The following DAB1 variants were observed in gnomAD, a reference collection of about 807,000 sequenced individuals.
The protein encoded by DAB1 is disabled homolog 1.
DAB1 carries 15 observed loss-of-function variants against 64.6 expected under a neutral mutation model. That is an observed-to-expected ratio of 0.23 (90% CI 0.16 to 0.36). The LOEUF (loss-of-function observed/expected upper bound fraction) is 0.36, where lower values mean the gene tolerates loss of function less well. DAB1 is among the 10% of genes least tolerant of loss of function. The pLI is 1.00. For synonymous variants in DAB1, 235 were observed against 251.9 expected (o/e 0.93, Z 0.64); for missense variants, 596 against 706.7 (o/e 0.84, Z 1.78).
At chr1:57,818,852 G>A (rs1014816610) in intron 6 of DAB1, among the ~76,000 whole-genome samples, 2 of 151,772 alleles carry the variant, frequency 1.3e-5, no homozygotes, top group African/African-American at 4.8e-5. Flanking sequence ...CAGAAGATCC[G>A]AGTGCTGAAA....
chr1:57,564,298 T>C (rs908264295), intron 7 of DAB1, among the ~76,000 whole-genome samples: 5 of 151,980 alleles, frequency 3.3e-5, no homozygotes, highest in Non-Finnish European at 5.9e-5. Context: ...ATCAGCATCA[T>C]AAAAGACCAA....
At chr1:57,232,688 C>G (rs1387455840) in intron 2 of DAB1, among the ~76,000 whole-genome samples, 1 of 152,012 alleles carries the variant, frequency 6.6e-6, no homozygotes, top group Non-Finnish European at 1.5e-5. Context: ...CACCAGATGG[C>G]GCCCATCTGA....
intron 5 of DAB1, among the ~76,000 whole-genome samples, chr1:57,983,063 G>A (rs773657667): frequency 1.3e-5 from 2 of 152,274 alleles, no homozygotes; most frequent in East Asian, 1.9e-4. Context: ...TACAGTGTAC[G>A]GTGAAGCCTC....
chr1:58,384,517 G>C (rs748995035), intron 3 of DAB1, among the ~76,000 whole-genome samples: 4 of 152,120 alleles, frequency 2.6e-5, no homozygotes, highest in Non-Finnish European at 5.9e-5. Context: ...GATGAGTCAG[G>C]GTTCTCTAGA....
chr1:57,279,083 T>C (rs1015416936), intron 2 of DAB1, among the ~76,000 whole-genome samples: 1 of 152,220 alleles, frequency 6.6e-6, no homozygotes, highest in African/African-American at 2.4e-5. Flanking sequence ...TTTGGGGAAT[T>C]TGCGAAATTT....
chr1:58,358,591 A>G (rs1424201402), intron 3 of DAB1, among the ~76,000 whole-genome samples: 1 of 152,200 alleles, frequency 6.6e-6, no homozygotes, highest in Non-Finnish European at 1.5e-5. Context: ...AAGACAGAAA[A>G]GAAACAGAAG....
At chr1:57,491,389 C>T (rs567734079) in intron 7 of DAB1, among the ~76,000 whole-genome samples, 15 of 152,126 alleles carry the variant, frequency 9.9e-5, no homozygotes, top group African/African-American at 3.6e-4. Flanking sequence ...GATTGCGCCA[C>T]TGCACTCTAG....
chr1:57,683,603 G>A (rs1012639386), intron 6 of DAB1, among the ~76,000 whole-genome samples: 2 of 152,142 alleles, frequency 1.3e-5, no homozygotes, highest in African/African-American at 4.8e-5. Context: ...TGCCCTCTAA[G>A]AGCATCCAAA....
At chr1:58,202,176 T>C (rs1658032887) in intron 4 of DAB1, among the ~76,000 whole-genome samples, 1 of 152,202 alleles carries the variant, frequency 6.6e-6, no homozygotes, top group African/African-American at 2.4e-5. Flanking sequence ...ATCTGGAAAT[T>C]AGATGATAGC....
intron 2 of DAB1, among the ~76,000 whole-genome samples, chr1:57,170,091 G>A (rs1247635580): frequency 1.3e-5 from 2 of 151,656 alleles, no homozygotes; most frequent in Non-Finnish European, 2.9e-5. Flanking sequence ...CTGCATCCCA[G>A]GTTCAAGCGA....
chr1:58,107,647 G>A (rs934096928), intron 5 of DAB1, among the ~76,000 whole-genome samples: 2 of 151,542 alleles, frequency 1.3e-5, no homozygotes, highest in Admixed American at 6.6e-5. Context: ...ATGGAGTTTT[G>A]CTCTTGTCAC....
At chr1:57,316,567 T>C (rs1482751101) in intron 1 of DAB1, among the ~76,000 whole-genome samples, 1 of 152,058 alleles carries the variant, frequency 6.6e-6, no homozygotes, top group African/African-American at 2.4e-5. Flanking sequence ...CAGTCAGAGC[T>C]CAGCTGCCCA....
At chr1:57,749,766 GA>G (rs1458825536) in intron 6 of DAB1, among the ~76,000 whole-genome samples, 1 of 152,168 alleles carries the variant, frequency 6.6e-6, no homozygotes, top group Non-Finnish European at 1.5e-5. Context: ...AAATGAAATG[GA>G]AAGGAAAGAG....
At chr1:57,092,581 T>G (rs1368519817) in intron 4 of DAB1, among the ~76,000 whole-genome samples, 1 of 150,608 alleles carries the variant, frequency 6.6e-6, no homozygotes, top group Non-Finnish European at 1.5e-5. Flanking sequence ...TCCCCAATCA[T>G]GTGAAACTGT....
intron 6 of DAB1, 170 bp downstream of exon 6, chr1:57,071,352 A>G: frequency 1.3e-6 from 1 of 781,020 alleles, no homozygotes; most frequent in East Asian, 2.7e-5. Context: ...AGTTTAAGAG[A>G]ATAAGGAATA....
intron 2 of DAB1, among the ~76,000 whole-genome samples, chr1:57,160,051 T>C (rs1020892514): frequency 1.3e-5 from 2 of 152,106 alleles, no homozygotes; most frequent in Non-Finnish European, 2.9e-5. Flanking sequence ...CACACTTGCT[T>C]ACCCACAGCC....
At chr1:57,289,604 G>A (rs675075) in intron 2 of DAB1, among the ~76,000 whole-genome samples, 60,350 of 152,038 alleles carry the variant, frequency 0.4, 12,432 homozygotes, top group Admixed American at 0.56. Context: ...GGCTGTCAAA[G>A]AGCTGCATAT....
chr1:57,977,678 T>C (rs1432366583), intron 5 of DAB1, among the ~76,000 whole-genome samples: 2 of 146,888 alleles, frequency 1.4e-5, no homozygotes, highest in African/African-American at 2.5e-5. Context: ...GGACCACAGG[T>C]TCTCACCATA....
At position 58,143,000 on chromosome 1, in the gene DAB1, C is replaced by G. The variant is rs564915491; in HGVS notation, n.387+7511G>C. 2.6e-5 allele frequency among the ~76,000 whole-genome samples: 4 copies of G among 152,238 alleles called. No homozygotes were observed. In the South Asian group the frequency reaches 6.2e-4, roughly 24 times the overall value. On this transcript the variant is annotated intron_variant and non_coding_transcript_variant, in intron 5 of 20. Coordinates refer to the DAB1 transcript ENST00000485760. The stretch of plus-strand genomic sequence containing the variant: ...GGCACTTATTGGAAATGGAAATTCT[C>G]GGTGTTCCTTCTGGAGTGCCACTCT...
Sources: allele counts gnomAD v4.1 joint callset (sites outside exome capture counted in the v4.1 genomes callset), GRCh38; gene constraint gnomAD v4.1.1; transcripts MANE v1.5; gene names NCBI Gene and HGNC (gene_info 2026-07-23, HGNC 2026-07-21).